PUS7L: variants seen among roughly 807,000 people sequenced by gnomAD.
The protein encoded by PUS7L is pseudouridine synthase 7 like.
A neutral mutation model predicts 51.1 loss-of-function variants in PUS7L; 49 were observed. The ratio of observed to expected loss-of-function variants is 0.96; its 90% CI spans 0.76 to 1.22. PUS7L has a LOEUF of 1.22. Ranked by LOEUF, PUS7L falls within the 50% of genes most tolerant of loss-of-function variation. The probability of loss-of-function intolerance (pLI) is 0.00; values close to 1 mark genes in which losing one functional copy is unlikely to be tolerated. For synonymous variants in PUS7L, 277 were observed against 276.2 expected (o/e 1.00, Z -0.03); for missense variants, 828 against 820.6 (o/e 1.01, Z -0.11).
At position 43,721,327 on chromosome 12, in the gene PUS7L, T is replaced by C. The variant is rs555011126; in HGVS notation, c.*9049A>G. The C allele has an allele frequency of 1.1e-4, 16 of 152,164 alleles. No individual in the cohort carries two copies. Among genetic ancestry groups the C allele is most frequent in the Non-Finnish European group, 2.2e-4 (15 of 68,010 alleles). The allele number at this position is 152,164 out of a possible 1,614,324, so 9.4% of individuals were successfully genotyped here. On this transcript the variant is annotated 3_prime_UTR_variant, in exon 9 of 9. Transcript: ENST00000344862. ...ACTAGTTATCATACCTGACAGCTTG[T>C]TCTAAATTTTAAATCAAATTCTACA...
rs909459577 is a variant in PUS7L at position 43,741,895 on chromosome 12, T to C, written c.1362+562A>G. ...CATTTGTTCAAATATATAATTTTTA[T>C]AGTTTTATAGTTTTCCTCCATTATG... On this transcript the variant is annotated intron_variant, in intron 5 of 8. Coordinates refer to ENST00000344862, the MANE Select transcript of PUS7L (RefSeq NM_031292.5). 2.6e-5 allele frequency among the ~76,000 whole-genome samples: 4 copies of C among 152,320 alleles called. No homozygotes were observed. In the South Asian group the frequency reaches 8.3e-4, roughly 32 times the overall value.
intron 6 of PUS7L, among the ~76,000 whole-genome samples, chr12:43,737,118 A>G (rs559387096): frequency 1.3e-5 from 2 of 152,212 alleles, no homozygotes; most frequent in Non-Finnish European, 2.9e-5. Context: ...CTTCAGGCAC[A>G]CTATTATGCC....
At chr12:43,745,712 A>G (rs988543583) in intron 4 of PUS7L, among the ~76,000 whole-genome samples, 1 of 149,760 alleles carries the variant, frequency 6.7e-6, no homozygotes, top group African/African-American at 2.4e-5. Context: ...TCCAAACAAT[A>G]AATTCCCCTG....
At chr12:43,748,947 C>T (rs996728305) in intron 2 of PUS7L, among the ~76,000 whole-genome samples, 7 of 152,164 alleles carry the variant, frequency 4.6e-5, no homozygotes, top group Non-Finnish European at 8.8e-5. Context: ...TGGTCTCGAT[C>T]TCTTGGCCTC....
chr12:43,733,833 G>A (rs1944617906), intron 7 of PUS7L, among the ~76,000 whole-genome samples: 1 of 152,090 alleles, frequency 6.6e-6, no homozygotes, highest in African/African-American at 2.4e-5. Context: ...TTTTCACACA[G>A]TTTGAGTCTG....
intron 7 of PUS7L, among the ~76,000 whole-genome samples, chr12:43,732,306 G>A (rs1430425605): frequency 6.6e-6 from 1 of 152,020 alleles, no homozygotes; most frequent in Admixed American, 6.5e-5. Flanking sequence ...TATTAGCCAG[G>A]TGTGGTGGCA....
At chr12:43,744,907 A>G (rs1356228996) in intron 4 of PUS7L, among the ~76,000 whole-genome samples, 1 of 152,206 alleles carries the variant, frequency 6.6e-6, no homozygotes, top group East Asian at 1.9e-4. Context: ...AGTAGATATC[A>G]ATGGGTGAAA....
intron 2 of PUS7L, among the ~76,000 whole-genome samples, chr12:43,753,274 C>T (rs2137756776): frequency 6.6e-6 from 1 of 152,166 alleles, no homozygotes; most frequent in South Asian, 2.1e-4. Context: ...TTCCTATTAC[C>T]CTATTTTTCA....
At chr12:43,745,511 G>A (rs1394692779) in intron 4 of PUS7L, among the ~76,000 whole-genome samples, 2 of 152,144 alleles carry the variant, frequency 1.3e-5, no homozygotes, top group East Asian at 3.9e-4. Flanking sequence ...GCCACCATGG[G>A]AAGAAGGATA....
chr12:43,755,357 C>G, intron 1 of PUS7L, 96 bp from the exon 2 acceptor site: 1 of 699,274 alleles, frequency 1.4e-6, no homozygotes, highest in Non-Finnish European at 2.3e-6. Flanking sequence ...AATTCTGTCT[C>G]TCTTTTAATT....
Position 43,742,545 on chromosome 12 carries a change from A to G in PUS7L, c.1274T>C (p.Phe425Ser), listed in dbSNP as rs1247906396. 3 of 1,602,820 alleles carry G rather than the reference A, an allele frequency of 1.9e-6. No individual in the cohort carries two copies. The highest frequency in any genetic ancestry group is 2.6e-6 in the Non-Finnish European group (3 of 1,176,418). ...TCTCTGTGGTCCATAGTAATTCACA[A>G]AGCCTTTTTTCTATGTATACAAAAT... ...EAIENVKKKGFVNYYGPQRFG... is the reference protein window; with the variant it reads ...EAIENVKKKGSVNYYGPQRFG... The change falls in exon 5 of 9, where the codon TTT becomes TCT. Residue 425 changes from phenylalanine (F) to serine (S), a missense_variant. By Grantham distance (155) the Phe-to-Ser change is radical. Transcript: ENST00000344862.
At chr12:43,735,297 A>G (rs563449528) in intron 7 of PUS7L, among the ~76,000 whole-genome samples, 2 of 151,990 alleles carry the variant, frequency 1.3e-5, no homozygotes, top group Non-Finnish European at 2.9e-5. Context: ...AGCCTGGGCG[A>G]CAGAGCGAGA....
chr12:43,723,706 C>T lies in PUS7L; in HGVS notation c.*6670G>A, dbSNP rs1944422776. On this transcript the variant is annotated 3_prime_UTR_variant, in exon 9 of 9. Coordinates refer to ENST00000344862, the MANE Select transcript of PUS7L (RefSeq NM_031292.5). Reference sequence around the variant, plus strand: ...TTCAAATATTTGTTGGTTATTATGCCATATATTTGACATTATTTTGTGGCC... The same window carrying T: ...TTCAAATATTTGTTGGTTATTATGCTATATATTTGACATTATTTTGTGGCC... 1 of 151,964 alleles carries T rather than the reference C, an allele frequency of 6.6e-6. No homozygotes were observed. The highest frequency in any genetic ancestry group is 1.5e-5 in the Non-Finnish European group (1 of 67,926). The allele number at this position is 151,964 out of a possible 1,614,324, so 9.4% of individuals were successfully genotyped here.
chr12:43,722,432 T>C lies in PUS7L; in HGVS notation c.*7944A>G, dbSNP rs902946752. 1.3e-5 allele frequency: 2 copies of C among 152,140 alleles called. No homozygotes were observed. Among genetic ancestry groups the C allele is most frequent in the Admixed American group, 1.3e-4 (2 of 15,258 alleles). 9.4% of individuals were successfully genotyped at this position (152,140 alleles called of 1,614,324 possible). On this transcript the variant is annotated 3_prime_UTR_variant, in exon 9 of 9. Transcript: ENST00000344862. Reference sequence around the variant, plus strand: ...ATAAAGAAGACATAAAAAATAGTCATCAAATGTTTTCAATGCATTGGGATA... The same window carrying C: ...ATAAAGAAGACATAAAAAATAGTCACCAAATGTTTTCAATGCATTGGGATA...
In PUS7L at chr12:43,727,918, T is replaced by A. The variant is rs1944476271; in HGVS notation, c.*2458A>T. The stretch of plus-strand genomic sequence containing the variant: ...GTCAGCAAAGGGTAGGTTTGAGATG[T>A]TTGGGTAGGTTAAGTGGGCATTTTG... On this transcript the variant is annotated 3_prime_UTR_variant, in exon 9 of 9. Transcript: ENST00000344862. 6.6e-6 allele frequency: 1 copy of A among 152,072 alleles called. No individual in the cohort carries two copies. The highest frequency in any genetic ancestry group is 2.4e-5 in the African/African-American group (1 of 41,390). 9.4% of individuals were successfully genotyped at this position (152,072 alleles called of 1,614,324 possible).
chr12:43,758,651 G>A (rs1245882255), intron 1 of PUS7L, 79 bp downstream of exon 1: 12 of 756,378 alleles, frequency 1.6e-5, no homozygotes, highest in Non-Finnish European at 1.8e-5. Flanking sequence ...TGCCAACCTC[G>A]TCACCCCCCC....
chr12:43,754,459 A>G lies in PUS7L; in HGVS notation c.787T>C (p.Ser263Pro), dbSNP rs1430157814. Residue 263 changes from serine to proline, a missense_variant, in exon 2 of 9, where the codon TCT (serine) becomes CCT (proline). Ser to Pro is a moderately conservative substitution (Grantham distance 74). Transcript: ENST00000344862. ...TTACCAGCACTGCAATTCATTTTAGAAAAAGATTTGGTTTCCACAAGGTTT... is the reference window on the plus strand; with the variant it reads ...TTACCAGCACTGCAATTCATTTTAGGAAAAGATTTGGTTTCCACAAGGTTT... Reference protein sequence around the residue: ...FGNLVETKSFSKMNCSAGNPN... With the variant: ...FGNLVETKSFPKMNCSAGNPN... 1.2e-6 allele frequency: 2 copies of G among 1,613,826 alleles called. No homozygotes were observed. The highest frequency in any genetic ancestry group is 2.2e-5 in the East Asian group (1 of 44,882).
intron 3 of PUS7L, among the ~76,000 whole-genome samples, chr12:43,746,657 T>G (rs1442456955): frequency 1.3e-5 from 2 of 152,172 alleles, no homozygotes; most frequent in Non-Finnish European, 2.9e-5. Flanking sequence ...ACTTCCTTAC[T>G]CAAACTTTCA....
At position 43,731,746 on chromosome 12, in the gene PUS7L, T is replaced by C. The variant is rs1944560335; in HGVS notation, c.1738A>G (p.Thr580Ala). 6.3e-7 allele frequency: 1 copy of C among 1,577,520 alleles called. No individual in the cohort carries two copies. The highest frequency in any genetic ancestry group is 1.4e-5 in the African/African-American group (1 of 74,020). Residue 580 changes from threonine (T) to alanine (A), a missense_variant, in exon 8 of 9, where the codon ACT (threonine) becomes GCT (alanine). By Grantham distance (58) the Thr-to-Ala change is moderately conservative. Coordinates refer to ENST00000344862, the MANE Select transcript of PUS7L (RefSeq NM_031292.5). Reference protein sequence around the residue: ...NFPNSKIHLVTEEEGSANMYA... With the variant: ...NFPNSKIHLVAEEEGSANMYA... ...ATATTAGCTGATCCCTCCTCTTCAG[T>C]TACCAGGTGAATCTAGTTTTAAAAA... is the stretch of plus-strand genomic sequence containing the variant.
Sources: gnomAD v4.1 joint callset for allele counts (sites outside exome capture counted in the v4.1 genomes callset) on GRCh38, gnomAD v4.1.1 for gene constraint, MANE v1.5 for transcripts, NCBI Gene and HGNC (gene_info 2026-07-23, HGNC 2026-07-21) for gene names.